Variants in OPA3 observed in about 807,000 individuals in gnomAD.
OPA3 encodes the protein optic atrophy 3 protein.
In OPA3, 6 loss-of-function variants were observed where a neutral mutation model predicts 4.0. The ratio of observed to expected loss-of-function variants is 1.51; its 90% CI spans 0.83 to 2.99. The LOEUF is 2.99. Among genes scored for constraint, OPA3 ranks in the 30% most tolerant of loss-of-function variants. OPA3 has a pLI of 0.00. For synonymous variants in OPA3, 105 were observed against 117.1 expected (o/e 0.90, Z 0.67); for missense variants, 235 against 256.2 (o/e 0.92, Z 0.56).
chr19:45,532,612 C>T (rs1203836343), intron 1 of OPA3, among the ~76,000 whole-genome samples: 1 of 152,130 alleles, frequency 6.6e-6, no homozygotes, highest in Non-Finnish European at 1.5e-5. Context: ...TTTGTTACAC[C>T]ACTGGGAGGT....
chr19:45,580,769 C>T (rs1224589585), intron 1 of OPA3, among the ~76,000 whole-genome samples: 1 of 152,052 alleles, frequency 6.6e-6, no homozygotes, highest in Admixed American at 6.6e-5. Context: ...CAGGTGTGCG[C>T]CACCACACCT....
At chr19:45,573,165 T>G (rs2122497573) in intron 1 of OPA3, among the ~76,000 whole-genome samples, 1 of 152,156 alleles carries the variant, frequency 6.6e-6, no homozygotes, top group East Asian at 1.9e-4. Context: ...GCCAGAGACC[T>G]GGTTCTACAC....
At position 45,549,860 on chromosome 19, in the gene OPA3, C is replaced by A; in HGVS notation, c.*3654G>T. On this transcript the variant is annotated 3_prime_UTR_variant, in exon 2 of 2. Coordinates refer to ENST00000263275, the MANE Select transcript of OPA3 (RefSeq NM_025136.4). The stretch of plus-strand genomic sequence containing the variant: ...GCTTCTCCCCCTCTTCCAGAAGGAA[C>A]TGAAATGCTGTTTCAGGCCAGGCGC... The A allele has an allele frequency of 1.0e-6, 1 of 985,478 alleles. No homozygotes were observed. 61.0% of individuals were successfully genotyped at this position (985,478 alleles called of 1,614,324 possible).
intron 1 of OPA3, among the ~76,000 whole-genome samples, chr19:45,565,484 G>T (rs1244822396): frequency 6.6e-6 from 1 of 151,748 alleles, no homozygotes; most frequent in African/African-American, 2.4e-5. Context: ...ACAAAAATTA[G>T]CCGGGCATGG....
chr19:45,579,223 C>A (rs960871782), intron 1 of OPA3, among the ~76,000 whole-genome samples: 3 of 152,066 alleles, frequency 2.0e-5, no homozygotes, highest in Admixed American at 6.6e-5. Flanking sequence ...TATACTTCAT[C>A]TTTTAACTAT....
At chr19:45,533,963 T>G (rs574263223) in intron 1 of OPA3, among the ~76,000 whole-genome samples, 5 of 152,358 alleles carry the variant, frequency 3.3e-5, no homozygotes, top group African/African-American at 4.8e-5. Context: ...TGCACACACA[T>G]GCACATGCAC....
At chr19:45,568,803 T>C (rs8108463) in intron 1 of OPA3, among the ~76,000 whole-genome samples, 46,962 of 151,888 alleles carry the variant, frequency 0.31, 7,566 homozygotes, top group Middle Eastern at 0.39. Context: ...GATGGGGATG[T>C]GACGCAGGGT....
At chr19:45,535,987 G>A (rs1418064957) in intron 1 of OPA3, among the ~76,000 whole-genome samples, 4 of 151,860 alleles carry the variant, frequency 2.6e-5, no homozygotes, top group Non-Finnish European at 5.9e-5. Flanking sequence ...AGTACGTTGA[G>A]AGGCCAAGGT....
chr19:45,534,736 G>A (rs1447838233), intron 1 of OPA3, among the ~76,000 whole-genome samples: 18 of 150,002 alleles, frequency 1.2e-4, no homozygotes, highest in Admixed American at 7.3e-4. Context: ...AGGTTCAAGC[G>A]ATTCTCCTGC....
chr19:45,582,458 C>A (rs990009749), intron 1 of OPA3, among the ~76,000 whole-genome samples: 9 of 152,072 alleles, frequency 5.9e-5, no homozygotes, highest in African/African-American at 2.2e-4. Flanking sequence ...ATGGGCCCAG[C>A]TGGAGCAGAG....
In OPA3 at chr19:45,546,389, T is replaced by C. The variant is rs1568399258; in HGVS notation, c.*7125A>G. The C allele has an allele frequency of 1.7e-6, 1 of 594,714 alleles. No individual in the cohort carries two copies. The highest frequency in any genetic ancestry group is 2.1e-6 in the Non-Finnish European group (1 of 473,840). 36.8% of individuals were successfully genotyped at this position (594,714 alleles called of 1,614,324 possible). On this transcript the variant is annotated 3_prime_UTR_variant, in exon 2 of 2. Coordinates refer to ENST00000263275, the MANE Select transcript of OPA3 (RefSeq NM_025136.4). ...TACACATGACATAAAATATATATTT[T>C]ATATTCCATTATATATTGTGTCACA...
chr19:45,563,111 G>A (rs1327443155), intron 1 of OPA3, among the ~76,000 whole-genome samples: 2 of 152,148 alleles, frequency 1.3e-5, no homozygotes, highest in Admixed American at 1.3e-4. Flanking sequence ...GTCCAGGTGG[G>A]AAAGGCCTTG....
chr19:45,580,708 TC>T (rs1969842327), intron 1 of OPA3, among the ~76,000 whole-genome samples: 1 of 151,246 alleles, frequency 6.6e-6, no homozygotes, highest in Non-Finnish European at 1.5e-5. Flanking sequence ...AACCTCTGCC[TC>T]CCAGGTTCAA....
chr19:45,552,709 T>C lies in OPA3; in HGVS notation c.*805A>G, dbSNP rs1291816966. ...TTTTGGTTTTAAGACGGTGTCTTGCTCTGTTGCCCAGGCTAGGGTGCAATG... is the reference window on the plus strand; with the variant it reads ...TTTTGGTTTTAAGACGGTGTCTTGCCCTGTTGCCCAGGCTAGGGTGCAATG... On this transcript the variant is annotated 3_prime_UTR_variant, in exon 2 of 2. Transcript: ENST00000263275. The C allele has an allele frequency of 1.3e-5, 2 of 151,974 alleles. No homozygotes were observed. The highest frequency in any genetic ancestry group is 1.5e-5 in the Non-Finnish European group (1 of 68,256). The allele number at this position is 151,974 out of a possible 1,614,324, so 9.4% of individuals were successfully genotyped here. A position where few individuals can be genotyped will look rare whatever the true frequency, so the allele number is the denominator to read the frequency against.
intron 1 of OPA3, among the ~76,000 whole-genome samples, chr19:45,531,060 G>A (rs1186795387): frequency 6.7e-6 from 1 of 148,188 alleles, no homozygotes; most frequent in Non-Finnish European, 1.5e-5. Context: ...AAAGTGCTGG[G>A]ATTACAGGCA....
chr19:45,578,132 TTAGTTTA>T (rs1395515778), intron 1 of OPA3, among the ~76,000 whole-genome samples: 1 of 152,168 alleles, frequency 6.6e-6, no homozygotes, highest in East Asian at 1.9e-4. Context: ...TGGGAGAAAC[TTAGTTTA>T]TAGTTTAAAC....
chr19:45,543,964 G>A (rs759038948), downstream of OPA3, among the ~76,000 whole-genome samples: 35 of 152,278 alleles, frequency 2.3e-4, no homozygotes, highest in East Asian at 3.9e-4. Flanking sequence ...GGTTCCTGTT[G>A]CTGGCAATGC....
At chr19:45,583,760 C>T (rs1322414592) in intron 1 of OPA3, among the ~76,000 whole-genome samples, 1 of 152,154 alleles carries the variant, frequency 6.6e-6, no homozygotes, top group Non-Finnish European at 1.5e-5. Flanking sequence ...CCTCGGCCTC[C>T]CAAAGTGCTG....
chr19:45,567,195 C>T (rs1481631211), intron 1 of OPA3, among the ~76,000 whole-genome samples: 1 of 151,756 alleles, frequency 6.6e-6, no homozygotes, highest in Non-Finnish European at 1.5e-5. Context: ...AATAAATTAG[C>T]CGGGCATGGT....
Sources: allele counts gnomAD v4.1 joint callset (sites outside exome capture counted in the v4.1 genomes callset), GRCh38; gene constraint gnomAD v4.1.1; transcripts MANE v1.5; gene names NCBI Gene and HGNC (gene_info 2026-07-23, HGNC 2026-07-21).